ERC2: variants seen among roughly 807,000 people sequenced by gnomAD.
ERC2 encodes the protein ERC protein 2.
ERC2 carries 42 observed loss-of-function variants against 114.8 expected under a neutral mutation model. That is an observed-to-expected ratio of 0.37 (90% confidence interval 0.29 to 0.47). ERC2 has a LOEUF of 0.47. Ranked by LOEUF, ERC2 falls within the 20% of genes least tolerant of loss-of-function variation. The pLI is 0.99. For synonymous variants in ERC2, 454 were observed against 425.5 expected (o/e 1.07, Z -0.82); for missense variants, 939 against 1,150.7 (o/e 0.82, Z 2.66).
chr3:55,579,815 G>C (rs923662779), intron 17 of ERC2, among the ~76,000 whole-genome samples: 9 of 152,196 alleles, frequency 5.9e-5, no homozygotes, highest in Non-Finnish European at 1.3e-4. Context: ...CCTTTGCGTT[G>C]AAGAGCCACA....
intron 2 of ERC2, among the ~76,000 whole-genome samples, chr3:56,365,067 A>C (rs2059099542): frequency 6.6e-6 from 1 of 152,214 alleles, no homozygotes; most frequent in African/African-American, 2.4e-5. Context: ...ATTTACATGA[A>C]GTGTTTAAAA....
At chr3:56,340,721 CT>C (rs747405479) in intron 2 of ERC2, among the ~76,000 whole-genome samples, 1 of 152,108 alleles carries the variant, frequency 6.6e-6, no homozygotes, top group Non-Finnish European at 1.5e-5. Context: ...ACCAAGGAAA[CT>C]TTTTAATAGT....
At chr3:55,875,121 G>A (rs1011797704) in intron 14 of ERC2, among the ~76,000 whole-genome samples, 3 of 152,138 alleles carry the variant, frequency 2.0e-5, no homozygotes, top group Non-Finnish European at 2.9e-5. Context: ...TAACCACTGG[G>A]CCTACCCAAT....
intron 2 of ERC2, among the ~76,000 whole-genome samples, chr3:56,330,401 C>T (rs931557785): frequency 2.0e-5 from 3 of 152,016 alleles, no homozygotes; most frequent in African/African-American, 4.8e-5. Flanking sequence ...AAGACAGTGG[C>T]CTATTTTGCA....
chr3:56,408,998 C>A (rs1235195365), intron 2 of ERC2, among the ~76,000 whole-genome samples: 1 of 152,240 alleles, frequency 6.6e-6, no homozygotes, highest in African/African-American at 2.4e-5. Context: ...TCCAGGATCT[C>A]TTCTACCCAT....
chr3:55,653,976 C>T (rs1488011152), intron 17 of ERC2, among the ~76,000 whole-genome samples: 3 of 152,184 alleles, frequency 2.0e-5, no homozygotes, highest in African/African-American at 7.2e-5. Context: ...CCTCCTCTTC[C>T]TCCTCATTCC....
intron 14 of ERC2, among the ~76,000 whole-genome samples, chr3:55,785,062 C>T (rs1010950652): frequency 6.6e-6 from 1 of 152,078 alleles, no homozygotes; most frequent in Non-Finnish European, 1.5e-5. Flanking sequence ...TCGGAAAGGG[C>T]AAAGGATACT....
At chr3:55,548,065 G>T (rs1176649781) in intron 17 of ERC2, among the ~76,000 whole-genome samples, 2 of 152,246 alleles carry the variant, frequency 1.3e-5, no homozygotes, top group Non-Finnish European at 2.9e-5. Context: ...TGGGGAAGCA[G>T]CTGGTGGCCA....
chr3:55,596,037 T>C (rs950037001), intron 17 of ERC2, among the ~76,000 whole-genome samples: 4 of 152,108 alleles, frequency 2.6e-5, no homozygotes, highest in Non-Finnish European at 4.4e-5. Flanking sequence ...AGCTTCTGAG[T>C]TCTTGCCAAA....
chr3:56,342,366 T>C (rs1401818097), intron 2 of ERC2, among the ~76,000 whole-genome samples: 1 of 152,250 alleles, frequency 6.6e-6, no homozygotes, highest in Non-Finnish European at 1.5e-5. Flanking sequence ...AATTTCAGTG[T>C]TAGATTCCAT....
chr3:56,387,970 CAA>C (rs1427482153), intron 2 of ERC2, among the ~76,000 whole-genome samples: 1 of 152,152 alleles, frequency 6.6e-6, no homozygotes, highest in East Asian at 1.9e-4. Context: ...AGATAATTCT[CAA>C]AGATAATTCC....
chr3:56,110,688 G>A (rs1393960161), intron 6 of ERC2, among the ~76,000 whole-genome samples: 1 of 152,074 alleles, frequency 6.6e-6, no homozygotes, highest in Non-Finnish European at 1.5e-5. Context: ...ATTACAAGGG[G>A]AATTATAAAT....
chr3:55,930,707 G>A (rs1226767671), intron 13 of ERC2, among the ~76,000 whole-genome samples: 1 of 152,168 alleles, frequency 6.6e-6, no homozygotes, highest in Admixed American at 6.5e-5. Context: ...AAGCCTTCAT[G>A]ACTAAAACAC....
chr3:56,241,162 T>A (rs562894624), intron 3 of ERC2, among the ~76,000 whole-genome samples: 1 of 152,200 alleles, frequency 6.6e-6, no homozygotes, highest in South Asian at 2.1e-4. Context: ...TGAAAAGGAC[T>A]GATATCCAGA....
chr3:55,573,740 T>C (rs1559676943), intron 17 of ERC2, among the ~76,000 whole-genome samples: 1 of 152,106 alleles, frequency 6.6e-6, no homozygotes, highest in Non-Finnish European at 1.5e-5. Context: ...GTGCACACAG[T>C]TCATGCAGCA....
intron 17 of ERC2, among the ~76,000 whole-genome samples, chr3:55,679,266 C>T (rs904582208): frequency 5.9e-5 from 9 of 152,164 alleles, no homozygotes; most frequent in Admixed American, 3.9e-4. Context: ...CCACCTCCAG[C>T]TTTTGCATGC....
At chr3:55,668,879 T>C (rs186779740) in intron 17 of ERC2, among the ~76,000 whole-genome samples, 2 of 152,228 alleles carry the variant, frequency 1.3e-5, no homozygotes, top group African/African-American at 4.8e-5. Flanking sequence ...AACTTGAATA[T>C]TTAGCTTCTG....
chr3:56,414,013 G>T (rs2061044678), intron 2 of ERC2, among the ~76,000 whole-genome samples: 1 of 152,210 alleles, frequency 6.6e-6, no homozygotes, highest in South Asian at 2.1e-4. Flanking sequence ...CCTTAGGAAA[G>T]GCAGGGTTGG....
rs116596582 is a variant in ERC2 at position 55,526,904 on chromosome 3, C to T, written c.*40-15628G>A. 5.6e-3 allele frequency among the ~76,000 whole-genome samples: 848 copies of T among 152,336 alleles called. 8 individuals are homozygous for T. The highest frequency in any genetic ancestry group is 0.01 in the Non-Finnish European group (695 of 68,030). On this transcript the variant is annotated intron_variant, in intron 17 of 17. Coordinates refer to ENST00000288221, the MANE Select transcript of ERC2 (RefSeq NM_015576.3). Reference sequence around the variant, plus strand: ...TCCCAGCTGGAAGCAGCAATGTCATCCTCTTCCCAGGACTCCAGCTGACAC... The same window carrying T: ...TCCCAGCTGGAAGCAGCAATGTCATTCTCTTCCCAGGACTCCAGCTGACAC...
Sources: allele counts gnomAD v4.1 joint callset (sites outside exome capture counted in the v4.1 genomes callset), GRCh38; gene constraint gnomAD v4.1.1; transcripts MANE v1.5; gene names NCBI Gene and HGNC (gene_info 2026-07-23, HGNC 2026-07-21).